The following GALNT10 variants were observed in gnomAD, a reference collection of about 807,000 sequenced individuals.
GALNT10 encodes the protein GalNAc transferase 10.
In GALNT10, 41 loss-of-function variants were observed where a neutral mutation model predicts 75.0. That is an observed-to-expected ratio of 0.55 (90% CI 0.43 to 0.71). The LOEUF (loss-of-function observed/expected upper bound fraction) is 0.71. Ranked by LOEUF, GALNT10 falls within the 30% of genes least tolerant of loss-of-function variation. The probability of loss-of-function intolerance (pLI) is 0.00; values close to 1 mark genes in which losing one functional copy is unlikely to be tolerated. For synonymous variants in GALNT10, 302 were observed against 313.0 expected, an observed-to-expected ratio of 0.96 and a Z score of 0.37; for missense variants, 727 against 818.5, an observed-to-expected ratio of 0.89 and a Z score of 1.36.
At chr5:154,325,737 A>T (rs749910149) in intron 3 of GALNT10, among the ~76,000 whole-genome samples, 2 of 152,154 alleles carry the variant, frequency 1.3e-5, no homozygotes, top group Non-Finnish European at 2.9e-5. Context: ...GATAAAGTGC[A>T]TCTGTGAAAA....
chr5:154,289,922 T>C (rs761237338), intron 1 of GALNT10, among the ~76,000 whole-genome samples: 2 of 152,196 alleles, frequency 1.3e-5, no homozygotes, highest in Non-Finnish European at 2.9e-5. Flanking sequence ...TAGGTGTCAG[T>C]AAACATTTGG....
At chr5:154,315,200 G>A (rs1453011632) in intron 3 of GALNT10, among the ~76,000 whole-genome samples, 2 of 152,176 alleles carry the variant, frequency 1.3e-5, no homozygotes, top group African/African-American at 4.8e-5. Flanking sequence ...TTAATCCAGG[G>A]AACAGATTTA....
chr5:154,224,571 A>G (rs1401052506), intron 1 of GALNT10, among the ~76,000 whole-genome samples: 1 of 152,234 alleles, frequency 6.6e-6, no homozygotes, highest in Non-Finnish European at 1.5e-5. Context: ...ATGAAGTTTT[A>G]TACTATTTGT....
At chr5:154,204,073 A>C (rs1775069751) in intron 1 of GALNT10, among the ~76,000 whole-genome samples, 1 of 152,156 alleles carries the variant, frequency 6.6e-6, no homozygotes, top group Admixed American at 6.5e-5. Flanking sequence ...TTCATGATGA[A>C]AGAGCCCTGG....
At chr5:154,201,685 C>G (rs1775030974) in intron 1 of GALNT10, among the ~76,000 whole-genome samples, 1 of 152,128 alleles carries the variant, frequency 6.6e-6, no homozygotes, top group South Asian at 2.1e-4. Context: ...AATCCCAGCA[C>G]TTTGGGAGAC....
chr5:154,358,296 C>T (rs1755327928), intron 4 of GALNT10, among the ~76,000 whole-genome samples: 4 of 151,628 alleles, frequency 2.6e-5, no homozygotes, highest in Admixed American at 2.0e-4. Context: ...TCCTTGGGGG[C>T]TCCAAGGCTG....
chr5:154,362,159 T>C (rs1371682762), intron 4 of GALNT10, among the ~76,000 whole-genome samples: 1 of 152,230 alleles, frequency 6.6e-6, no homozygotes, highest in African/African-American at 2.4e-5. Flanking sequence ...AGGTGAAAAG[T>C]ATCCCCCTCA....
chr5:154,286,385 GT>G (rs57576993), intron 1 of GALNT10, among the ~76,000 whole-genome samples: 3,088 of 139,190 alleles, frequency 0.022, 64 homozygotes, highest in African/African-American at 0.071. Flanking sequence ...GAGTCGATTT[GT>G]TTTTTTTTTT....
chr5:154,388,214 C>G (rs1174193551), intron 7 of GALNT10: 2 of 152,138 alleles, frequency 1.3e-5, no homozygotes, highest in African/African-American at 4.8e-5. Flanking sequence ...TTTTAACCAC[C>G]AGAGTTCTGA....
chr5:154,214,359 A>G (rs1289867308), intron 1 of GALNT10, among the ~76,000 whole-genome samples: 1 of 152,042 alleles, frequency 6.6e-6, no homozygotes, highest in Admixed American at 6.5e-5. Flanking sequence ...ATGAATTGGC[A>G]TTTGTCTGCT....
In GALNT10 at chr5:154,250,088, C is replaced by T. The variant is rs182593938; in HGVS notation, c.160-44728C>T. On this transcript the variant is annotated intron_variant, in intron 1 of 11. Coordinates refer to ENST00000297107, the MANE Select transcript of GALNT10 (RefSeq NM_198321.4). ...TCCTTTTCATTTTTCTCCCCGTTCCCGGGGATCAACTCCTTTAAGAGCTTG... is the reference window on the plus strand; with the variant it reads ...TCCTTTTCATTTTTCTCCCCGTTCCTGGGGATCAACTCCTTTAAGAGCTTG... 4.2e-3 allele frequency among the ~76,000 whole-genome samples: 634 copies of T among 152,256 alleles called. 3 individuals carry two copies. Among genetic ancestry groups the T allele is most frequent in the Non-Finnish European group, 6.8e-3 (462 of 67,996 alleles).
chr5:154,285,376 T>A (rs964290252), intron 1 of GALNT10, among the ~76,000 whole-genome samples: 3 of 152,212 alleles, frequency 2.0e-5, no homozygotes, highest in Non-Finnish European at 4.4e-5. Context: ...TCTGATCTCC[T>A]GACTTGCTTT....
At chr5:154,367,871 A>AG (rs1156841740) in intron 4 of GALNT10, among the ~76,000 whole-genome samples, 69 of 151,898 alleles carry the variant, frequency 4.5e-4, no homozygotes, top group African/African-American at 1.5e-3. Context: ...AAAAAAAAAA[A>AG]AGAGAGAGAC....
chr5:154,387,125 T>G (rs1032829992), intron 7 of GALNT10: 3 of 152,272 alleles, frequency 2.0e-5, no homozygotes, highest in African/African-American at 7.2e-5. Flanking sequence ...TGGTAGAAAT[T>G]GTTAAAGTTT....
rs1287901142 is a variant in GALNT10, at chr5:154,380,474, A to C, written c.781A>C (p.Ile261Leu). The change falls in exon 6 of 12, where the codon ATT (isoleucine) becomes CTT (leucine). Residue 261 changes from isoleucine (I) to leucine (L), a missense_variant. Transcript: ENST00000297107. Reference sequence around the variant, plus strand: ...CCGCATTGCTCGGAACCGCAAGACCATTGTGTGCCCGATGATTGATGTAAT... The same window carrying C: ...CCGCATTGCTCGGAACCGCAAGACCCTTGTGTGCCCGATGATTGATGTAAT... ...LDRIARNRKT[I>L]VCPMIDVIDH... 3.1e-6 allele frequency: 5 copies of C among 1,613,950 alleles called. No individual in the cohort carries two copies. Among genetic ancestry groups the C allele is most frequent in the Non-Finnish European group, 4.2e-6 (5 of 1,179,976 alleles).
intron 4 of GALNT10, among the ~76,000 whole-genome samples, chr5:154,359,536 T>TAAA (rs5872375): frequency 0.037 from 5,108 of 136,792 alleles, 352 homozygotes; most frequent in African/African-American, 0.13. Context: ...TTTCTTTCTT[T>TAAA]AAAAAAAAAA....
At chr5:154,251,574 G>A (rs1482236983) in intron 1 of GALNT10, among the ~76,000 whole-genome samples, 1 of 152,174 alleles carries the variant, frequency 6.6e-6, no homozygotes, top group African/African-American at 2.4e-5. Flanking sequence ...TTCTACACCA[G>A]GAGGCACATT....
intron 3 of GALNT10, among the ~76,000 whole-genome samples, chr5:154,303,678 C>T (rs1190549716): frequency 1.3e-5 from 2 of 152,108 alleles, no homozygotes; most frequent in African/African-American, 4.8e-5. Context: ...TGCTCTGGAC[C>T]AGTCTAAAAA....
chr5:154,364,423 G>A (rs148516806), intron 4 of GALNT10, among the ~76,000 whole-genome samples: 1 of 152,294 alleles, frequency 6.6e-6, no homozygotes, highest in East Asian at 1.9e-4. Flanking sequence ...TTCTGTAAGT[G>A]GCAGAAGATC....
Sources: allele counts gnomAD v4.1 joint callset (sites outside exome capture counted in the v4.1 genomes callset), GRCh38; gene constraint gnomAD v4.1.1; transcripts MANE v1.5; gene names NCBI Gene and HGNC (gene_info 2026-07-23, HGNC 2026-07-21).